Variants in PDGFD observed in about 807,000 individuals in gnomAD.
The protein encoded by PDGFD is platelet derived growth factor D.
PDGFD carries 30 observed loss-of-function variants against 44.7 expected under a neutral mutation model. The observed-to-expected ratio is 0.67, with a 90% CI of 0.50 to 0.91. The LOEUF (loss-of-function observed/expected upper bound fraction) is 0.91. Ranked by LOEUF, PDGFD falls within the 40% of genes least tolerant of loss-of-function variation. PDGFD has a pLI of 0.00. For missense variants in PDGFD, 445 were observed against 457.8 expected (o/e 0.97, Z 0.25); for synonymous variants, 173 against 168.4 (o/e 1.03, Z -0.21).
chr11:103,964,212 G>C (rs923268236), intron 3 of PDGFD, among the ~76,000 whole-genome samples: 9 of 151,864 alleles, frequency 5.9e-5, no homozygotes. Context: ...TTTTTTCTCT[G>C]TTATAATAAT....
At chr11:104,150,861 T>A (rs1565349247) in intron 1 of PDGFD, among the ~76,000 whole-genome samples, 1 of 152,176 alleles carries the variant, frequency 6.6e-6, no homozygotes, top group Non-Finnish European at 1.5e-5. Context: ...CTTAAGTAAA[T>A]CATATCTGCA....
intron 6 of PDGFD, among the ~76,000 whole-genome samples, chr11:103,922,174 T>C (rs1858235121): frequency 6.6e-6 from 1 of 152,168 alleles, no homozygotes; most frequent in African/African-American, 2.4e-5. Flanking sequence ...AGTTGAGTAA[T>C]AATTTAATAG....
chr11:103,940,328 A>G (rs1051505819), intron 5 of PDGFD, among the ~76,000 whole-genome samples: 8 of 152,138 alleles, frequency 5.3e-5, no homozygotes, highest in Admixed American at 3.9e-4. Flanking sequence ...ATGTCATCTT[A>G]GAATCCTGCT....
In PDGFD at chr11:103,947,652, A is replaced by C. The variant is rs371583211; in HGVS notation, c.573+10T>G. 1.2e-6 allele frequency: 2 copies of C among 1,609,550 alleles called. No individual in the cohort carries two copies. The highest frequency in any genetic ancestry group is 1.7e-6 in the Non-Finnish European group (2 of 1,176,134). The stretch of plus-strand genomic sequence containing the variant: ...TTCTTTTGCTGGCAACAGAGTAATA[A>C]ATTACTTACTGAAATAGAGCTTGTG... On this transcript the variant is annotated intron_variant, in intron 4 of 6. Coordinates refer to ENST00000393158, the MANE Select transcript of PDGFD (RefSeq NM_025208.5).
intron 3 of PDGFD, among the ~76,000 whole-genome samples, chr11:103,955,316 C>G (rs1277315666): frequency 6.6e-6 from 1 of 151,592 alleles, no homozygotes; most frequent in Non-Finnish European, 1.5e-5. Flanking sequence ...CCAAATAAAG[C>G]CAAACTTGGA....
intron 1 of PDGFD, among the ~76,000 whole-genome samples, chr11:104,089,431 G>A (rs1861178682): frequency 6.6e-6 from 1 of 152,116 alleles, no homozygotes; most frequent in Non-Finnish European, 1.5e-5. Context: ...GGCTTCATTT[G>A]CTATTTACAA....
intron 3 of PDGFD, among the ~76,000 whole-genome samples, chr11:103,955,149 G>T (rs1858820196): frequency 1.9e-5 from 2 of 106,034 alleles, no homozygotes; most frequent in Admixed American, 1.2e-4. Context: ...GGGCGACAGA[G>T]CGAGACTCCG....
intron 3 of PDGFD, among the ~76,000 whole-genome samples, chr11:103,967,923 G>C (rs1429706896): frequency 6.6e-6 from 1 of 152,052 alleles, no homozygotes; most frequent in African/African-American, 2.4e-5. Context: ...TGTAATTGTT[G>C]CTTACTGCAA....
chr11:104,016,043 G>T (rs1948122), intron 1 of PDGFD, among the ~76,000 whole-genome samples: 44,899 of 152,034 alleles, frequency 0.3, 8,104 homozygotes, highest in Admixed American at 0.48. Context: ...TTTACACATA[G>T]GCAGAGGTCT....
intron 6 of PDGFD, among the ~76,000 whole-genome samples, chr11:103,910,700 A>T (rs1858013620): frequency 6.6e-6 from 1 of 152,176 alleles, no homozygotes; most frequent in African/African-American, 2.4e-5. Flanking sequence ...AGCTAGCCGC[A>T]GCAGTTTATT....
chr11:104,069,741 T>A (rs1185616894), intron 1 of PDGFD, among the ~76,000 whole-genome samples: 1 of 152,132 alleles, frequency 6.6e-6, no homozygotes, highest in Non-Finnish European at 1.5e-5. Flanking sequence ...GTGCCTGTAG[T>A]CCCAGCTACT....
chr11:104,037,188 C>T, intron 1 of PDGFD: 1 of 1,613,658 alleles, frequency 6.2e-7, no homozygotes, highest in Non-Finnish European at 8.5e-7. Flanking sequence ...CACCCGCTGC[C>T]CAGCGGTCAC....
intron 1 of PDGFD, among the ~76,000 whole-genome samples, chr11:104,159,822 C>T (rs1212091903): frequency 6.6e-6 from 1 of 152,160 alleles, no homozygotes; most frequent in Non-Finnish European, 1.5e-5. Flanking sequence ...ATGTCACTCA[C>T]AACCTAGTAG....
chr11:104,053,789 T>C (rs1860578423), intron 1 of PDGFD, among the ~76,000 whole-genome samples: 1 of 152,186 alleles, frequency 6.6e-6, no homozygotes, highest in African/African-American at 2.4e-5. Flanking sequence ...ACATGCTCTC[T>C]GTAAAATTTG....
intron 1 of PDGFD, among the ~76,000 whole-genome samples, chr11:104,153,212 A>ACT (rs1053372048): frequency 2.0e-5 from 3 of 151,758 alleles, no homozygotes; most frequent in Non-Finnish European, 4.4e-5. Context: ...GAATTTAAAC[A>ACT]CTCTCTCTCT....
At chr11:104,007,157 G>A (rs998950466) in intron 1 of PDGFD, among the ~76,000 whole-genome samples, 5 of 152,158 alleles carry the variant, frequency 3.3e-5, no homozygotes, top group East Asian at 1.9e-4. Context: ...AGTCCTATGC[G>A]GGGGATCAGG....
At chr11:103,925,405 A>G (rs1858291721) in intron 6 of PDGFD, among the ~76,000 whole-genome samples, 1 of 151,766 alleles carries the variant, frequency 6.6e-6, no homozygotes, top group African/African-American at 2.4e-5. Flanking sequence ...TTTAGTTTAT[A>G]TTTTAAAACA....
At chr11:103,918,161 G>A (rs1353470165) in intron 6 of PDGFD, among the ~76,000 whole-genome samples, 1 of 152,182 alleles carries the variant, frequency 6.6e-6, no homozygotes, top group Admixed American at 6.5e-5. Flanking sequence ...GGGAGACAAA[G>A]TGTCAGAAAT....
Position 104,127,542 on chromosome 11 carries a change from T to C in PDGFD, c.124+36262A>G, listed in dbSNP as rs116192880. Among the ~76,000 whole-genome samples, 685 of 152,258 alleles carry C rather than the reference T, an allele frequency of 4.5e-3. 8 individuals are homozygous for C. The highest frequency in any genetic ancestry group is 0.016 in the African/African-American group (651 of 41,554). On this transcript the variant is annotated intron_variant, in intron 1 of 6. Transcript: ENST00000393158. ...CATGTATTACATTTTAAACTATCTATGCAGAGGTAACTGCAAAGAATAGCC... is the reference window on the plus strand; with the variant it reads ...CATGTATTACATTTTAAACTATCTACGCAGAGGTAACTGCAAAGAATAGCC...
Sources: allele counts gnomAD v4.1 joint callset (sites outside exome capture counted in the v4.1 genomes callset), GRCh38; gene constraint gnomAD v4.1.1; transcripts MANE v1.5; gene names NCBI Gene and HGNC (gene_info 2026-07-23, HGNC 2026-07-21).